Variants in PPP1R1C observed in about 807,000 individuals in gnomAD.
PPP1R1C encodes the protein protein phosphatase 1 regulatory subunit 1C.
A neutral mutation model predicts 17.4 loss-of-function variants in PPP1R1C; 15 were observed. The ratio of observed to expected loss-of-function variants is 0.86; its 90% CI spans 0.58 to 1.33. PPP1R1C has a LOEUF of 1.33. Ranked by LOEUF, PPP1R1C falls within the 40% of genes most tolerant of loss-of-function variation. The probability of loss-of-function intolerance (pLI) is 0.00; values close to 1 mark genes in which losing one functional copy is unlikely to be tolerated. For missense variants in PPP1R1C, 143 were observed against 130.0 expected, an observed-to-expected ratio of 1.10 and a Z score of -0.48; for synonymous variants, 35 against 43.1, an observed-to-expected ratio of 0.81 and a Z score of 0.73.
chr2:182,006,710 T>C (rs985381397), intron 2 of PPP1R1C, among the ~76,000 whole-genome samples: 18 of 152,202 alleles, frequency 1.2e-4, no homozygotes, highest in African/African-American at 4.1e-4. Flanking sequence ...ATTAGGAGTA[T>C]AACACAAAGA....
chr2:182,031,551 A>G (rs145739756), intron 2 of PPP1R1C, among the ~76,000 whole-genome samples: 2,840 of 152,326 alleles, frequency 0.019, 76 homozygotes, highest in African/African-American at 0.065. Context: ...ACATTTTTTA[A>G]AAGAATTCAA....
intron 4 of PPP1R1C, among the ~76,000 whole-genome samples, chr2:182,086,027 A>G (rs1688618143): frequency 6.6e-6 from 1 of 152,202 alleles, no homozygotes; most frequent in Non-Finnish European, 1.5e-5. Flanking sequence ...ATATAAATAT[A>G]TTTACAAAAT....
intron 4 of PPP1R1C, among the ~76,000 whole-genome samples, chr2:182,080,345 A>G (rs905834319): frequency 6.6e-6 from 1 of 152,190 alleles, no homozygotes; most frequent in African/African-American, 2.4e-5. Flanking sequence ...TGGTATCACT[A>G]TCCCCCATTT....
At chr2:182,024,464 T>TC (rs1251014528) in intron 2 of PPP1R1C, among the ~76,000 whole-genome samples, 2 of 152,126 alleles carry the variant, frequency 1.3e-5, no homozygotes, top group East Asian at 3.9e-4. Context: ...CTCTATTTTT[T>TC]CACAATGTAA....
intron 2 of PPP1R1C, among the ~76,000 whole-genome samples, chr2:182,033,163 C>T (rs890740072): frequency 1.3e-5 from 2 of 152,108 alleles, no homozygotes; most frequent in Non-Finnish European, 2.9e-5. Flanking sequence ...CTTTTCTTCC[C>T]TGATTTTTGT....
rs998352080 is a variant in PPP1R1C, at chr2:182,110,510, G to T, written c.242-6697G>T. Among the ~76,000 whole-genome samples the T allele has an allele frequency of 6.6e-5, 10 of 152,040 alleles. 1 individual carries two copies. Among genetic ancestry groups the T allele is most frequent in the Admixed American group, 4.6e-4 (7 of 15,248 alleles). On this transcript the variant is annotated intron_variant, in intron 4 of 4. Transcript: ENST00000682840. Reference sequence around the variant, plus strand: ...TGGGTGATTGAATTATGTGACTGGGGCATACACTGGCAACAGTCTGTGGTA... The same window carrying T: ...TGGGTGATTGAATTATGTGACTGGGTCATACACTGGCAACAGTCTGTGGTA...
Position 182,098,739 on chromosome 2 carries a change from G to A in PPP1R1C, c.242-18468G>A, listed in dbSNP as rs564863553. Among the ~76,000 whole-genome samples the A allele has an allele frequency of 9.8e-5, 15 of 152,290 alleles. 1 individual carries two copies. In the East Asian group the frequency reaches 2.7e-3, roughly 27 times the overall value. The stretch of plus-strand genomic sequence containing the variant: ...GACATTTCCATAATGTATGGGAAAA[G>A]TACTTCAGAACACTTGAAATTAGTA... On this transcript the variant is annotated intron_variant, in intron 4 of 4. Coordinates refer to ENST00000682840, the MANE Select transcript of PPP1R1C (RefSeq NM_001080545.3).
chr2:182,129,008 T>C (rs1689942214), exon 6 of PPP1R1C: 1 of 152,160 alleles, frequency 6.6e-6, no homozygotes. Context: ...AGAAGTTGAC[T>C]TGTTAGTGCT....
chr2:182,017,190 G>A lies in PPP1R1C; in HGVS notation c.142+29291G>A, dbSNP rs189985022. On this transcript the variant is annotated intron_variant, in intron 2 of 4. Coordinates refer to ENST00000682840, the MANE Select transcript of PPP1R1C (RefSeq NM_001080545.3). ...TATGCATGTATTAAGTATACATTTA[G>A]CAATAAGTTAACTGATTATAAAAAT... is the stretch of plus-strand genomic sequence containing the variant. Among the ~76,000 whole-genome samples the A allele has an allele frequency of 1.4e-3, 213 of 151,970 alleles. 1 individual carries two copies. The highest frequency in any genetic ancestry group is 4.9e-3 in the African/African-American group (204 of 41,466).
chr2:182,066,594 G>C (rs1435800048), intron 4 of PPP1R1C, among the ~76,000 whole-genome samples: 1 of 152,026 alleles, frequency 6.6e-6, no homozygotes, highest in Non-Finnish European at 1.5e-5. Context: ...ACTCCTATTA[G>C]ATAAATTGTT....
At chr2:182,053,754 G>T (rs1225803331) in intron 2 of PPP1R1C, among the ~76,000 whole-genome samples, 1 of 150,448 alleles carries the variant, frequency 6.6e-6, no homozygotes, top group African/African-American at 2.4e-5. Context: ...TGATTTTGCA[G>T]ATTTTTATTT....
chr2:182,116,871 A>C (rs1271385804), intron 4 of PPP1R1C, among the ~76,000 whole-genome samples: 1 of 152,204 alleles, frequency 6.6e-6, no homozygotes, highest in Non-Finnish European at 1.5e-5. Flanking sequence ...GGGATGCCAA[A>C]AGCAATATTT....
intron 4 of PPP1R1C, among the ~76,000 whole-genome samples, chr2:182,104,688 C>G (rs1689195445): frequency 1.3e-5 from 2 of 152,146 alleles, no homozygotes; most frequent in African/African-American, 4.8e-5. Flanking sequence ...GATTTTGCAT[C>G]TATGTTCATC....
rs1051576247 is a variant in PPP1R1C, at chr2:181,961,250, C to T, written n.111+6616C>T. ...GTCATTGGTCTCAGACACCACTTTG[C>T]GGCGGGTGGTGGTCTTTGGATGGTT... On this transcript the variant is annotated intron_variant and non_coding_transcript_variant, in intron 1 of 5. Transcript: ENST00000464264. This position sits in a 1 kb window ranked among gnomAD's most constrained non-coding sequence, Gnocchi z 5.8. The T allele has an allele frequency of 9.9e-6, 8 of 806,776 alleles. No individual in the cohort carries two copies. The highest frequency in any genetic ancestry group is 6.7e-5 in the African/African-American group (4 of 59,568). The allele number at this position is 806,776 out of a possible 1,614,324, so 50.0% of individuals were successfully genotyped here. A position where few individuals can be genotyped will look rare whatever the true frequency, so the allele number is the denominator to read the frequency against.
At chr2:181,960,867 C>T (rs1294162568) in intron 1 of PPP1R1C, among the ~76,000 whole-genome samples, 1 of 152,206 alleles carries the variant, frequency 6.6e-6, no homozygotes, top group East Asian at 1.9e-4. Flanking sequence ...CAAGCTCTAG[C>T]TCCCCTTCTG....
intron 2 of PPP1R1C, among the ~76,000 whole-genome samples, chr2:182,010,405 C>T (rs570530362): frequency 4.3e-4 from 66 of 151,892 alleles, no homozygotes; most frequent in African/African-American, 1.4e-3. Context: ...AATTACTTCC[C>T]TGATTCCTTT....
chr2:181,973,050 T>C (rs537758356), intron 1 of PPP1R1C, among the ~76,000 whole-genome samples: 23 of 152,214 alleles, frequency 1.5e-4, no homozygotes, highest in Admixed American at 2.6e-4. Flanking sequence ...TGTATAACAG[T>C]TCAAAATCTC....
chr2:182,059,661 ATT>A (rs1187893432), intron 2 of PPP1R1C, among the ~76,000 whole-genome samples: 1 of 152,030 alleles, frequency 6.6e-6, no homozygotes, highest in Non-Finnish European at 1.5e-5. Context: ...ATAAGACTGA[ATT>A]TTTTTAATCC....
At chr2:182,063,692 C>G (rs755741110) in intron 3 of PPP1R1C, 39 bp from the exon 4 acceptor site, 1 of 1,539,146 alleles carries the variant, frequency 6.5e-7, no homozygotes, top group East Asian at 2.2e-5. Context: ...TACTTTGTAT[C>G]CAAATCTAAG....
Sources: allele counts gnomAD v4.1 joint callset (sites outside exome capture counted in the v4.1 genomes callset), GRCh38; gene constraint gnomAD v4.1.1; non-coding constraint Gnocchi (gnomAD v3.1); transcripts MANE v1.5; gene names NCBI Gene and HGNC (gene_info 2026-07-23, HGNC 2026-07-21).